Variants in CBLB observed in about 807,000 individuals in gnomAD.
CBLB encodes the protein E3 ubiquitin-protein ligase CBL-B.
CBLB carries 31 observed loss-of-function variants against 104.9 expected under a neutral mutation model. The observed-to-expected ratio is 0.30, with a 90% CI of 0.22 to 0.40. The LOEUF (loss-of-function observed/expected upper bound fraction) is 0.40. CBLB is among the 10% of genes least tolerant of loss of function. The pLI is 1.00. For missense variants in CBLB, 1,062 were observed against 1,214.6 expected, an observed-to-expected ratio of 0.87 and a Z score of 1.87; for synonymous variants, 440 against 422.6, an observed-to-expected ratio of 1.04 and a Z score of -0.51.
intron 3 of CBLB, among the ~76,000 whole-genome samples, chr3:105,850,734 C>T (rs1335496391): frequency 1.3e-5 from 2 of 152,088 alleles, no homozygotes; most frequent in Non-Finnish European, 2.9e-5. Context: ...CAGTCTTTGC[C>T]AGCCCAGTTC....
chr3:105,821,764 T>C (rs554884997), intron 3 of CBLB, among the ~76,000 whole-genome samples: 101 of 152,332 alleles, frequency 6.6e-4, no homozygotes, highest in Admixed American at 1.6e-3. Flanking sequence ...CCTCAACTAA[T>C]GTTTCACCAT....
At chr3:105,680,168 T>C (rs566493541) in intron 16 of CBLB, among the ~76,000 whole-genome samples, 7 of 152,310 alleles carry the variant, frequency 4.6e-5, no homozygotes, top group East Asian at 3.9e-4. Context: ...CAGTGAAGTG[T>C]TGAAGAACAG....
intron 2 of CBLB, among the ~76,000 whole-genome samples, chr3:105,854,146 CA>C (rs1456461461): frequency 6.6e-6 from 1 of 152,074 alleles, no homozygotes. Flanking sequence ...CAAAGAGGTG[CA>C]ATTTGAATAA....
chr3:105,786,066 G>GT (rs11411615), intron 3 of CBLB, among the ~76,000 whole-genome samples: 1 of 145,662 alleles, frequency 6.9e-6, no homozygotes, highest in African/African-American at 2.6e-5. Context: ...AGGATCGGGG[G>GT]GGGGAAAGTG....
intron 5 of CBLB, among the ~76,000 whole-genome samples, chr3:105,748,524 G>C (rs2076315453): frequency 6.6e-6 from 1 of 152,138 alleles, no homozygotes; most frequent in East Asian, 1.9e-4. Flanking sequence ...AGAGGAAAAG[G>C]GGAACAACAG....
intron 3 of CBLB, among the ~76,000 whole-genome samples, chr3:105,848,771 A>C (rs144858595): frequency 6.6e-6 from 1 of 152,214 alleles, no homozygotes; most frequent in Admixed American, 6.5e-5. Context: ...TTTTAGCTCA[A>C]TTATAGTAAT....
intron 18 of CBLB, among the ~76,000 whole-genome samples, chr3:105,662,283 G>A (rs186730266): frequency 2.0e-5 from 3 of 152,290 alleles, no homozygotes; most frequent in Admixed American, 2.0e-4. Context: ...GAATGTGTAG[G>A]GTAGTGGAAG....
At chr3:105,670,126 G>T in intron 18 of CBLB, 107 bp downstream of exon 18, 2 of 987,698 alleles carry the variant, frequency 2.0e-6, no homozygotes, top group East Asian at 2.5e-5. Flanking sequence ...TACTTTCTTG[G>T]GTGGACAACA....
chr3:105,803,447 T>C (rs2083136568), intron 3 of CBLB, among the ~76,000 whole-genome samples: 2 of 152,150 alleles, frequency 1.3e-5, no homozygotes, highest in African/African-American at 4.8e-5. Flanking sequence ...CGTTCAGAGT[T>C]CATTTTCATG....
intron 11 of CBLB, among the ~76,000 whole-genome samples, chr3:105,703,416 C>G (rs914063498): frequency 6.6e-6 from 1 of 152,080 alleles, no homozygotes. Flanking sequence ...AAAATCCACA[C>G]AGTAAAATAA....
At chr3:105,740,719 A>G in intron 6 of CBLB, 88 bp from the exon 7 acceptor site, 1 of 1,171,482 alleles carries the variant, frequency 8.5e-7, no homozygotes, top group East Asian at 2.5e-5. Context: ...AAGCAAAAGA[A>G]TAAACAATCA....
At chr3:105,691,681 T>C (rs1395265752) in intron 13 of CBLB, among the ~76,000 whole-genome samples, 8 of 152,326 alleles carry the variant, frequency 5.3e-5, no homozygotes, top group African/African-American at 1.4e-4. Flanking sequence ...TCATATGTTG[T>C]CACTGATTTA....
intron 16 of CBLB, chr3:105,681,182 TC>T: frequency 2.2e-6 from 1 of 459,662 alleles, no homozygotes; most frequent in Non-Finnish European, 3.8e-6. Context: ...CTTCAAGTCA[TC>T]ACTTCAAAAC....
chr3:105,790,043 GCTATAC>G (rs1265316252), intron 3 of CBLB, among the ~76,000 whole-genome samples: 1 of 152,184 alleles, frequency 6.6e-6, no homozygotes, highest in Non-Finnish European at 1.5e-5. Context: ...TAGATGCACT[GCTATAC>G]CCAAGACTTG....
intron 18 of CBLB, among the ~76,000 whole-genome samples, chr3:105,667,301 C>G (rs976373252): frequency 7.6e-4 from 1 of 1,324 alleles, no homozygotes; most frequent in Non-Finnish European, 7.4e-3. Flanking sequence ...ATTAATACAG[C>G]CTTTTAGTTT....
At chr3:105,800,879 T>C (rs774569273) in intron 3 of CBLB, among the ~76,000 whole-genome samples, 11 of 152,098 alleles carry the variant, frequency 7.2e-5, no homozygotes, top group Non-Finnish European at 1.2e-4. Flanking sequence ...CGAATTTAGA[T>C]AATAAACATG....
chr3:105,665,738 T>C (rs895762132), intron 18 of CBLB, among the ~76,000 whole-genome samples: 1 of 150,384 alleles, frequency 6.6e-6, no homozygotes, highest in East Asian at 1.9e-4. Context: ...AAAATTTATA[T>C]ATCTGTATCT....
chr3:105,688,333 T>C (rs1263866263), intron 13 of CBLB, among the ~76,000 whole-genome samples: 1 of 152,010 alleles, frequency 6.6e-6, no homozygotes, highest in East Asian at 1.9e-4. Context: ...CAAAGATGCA[T>C]AGTCACCACC....
In CBLB at chr3:105,778,793, C is replaced by G. The variant is rs534647417; in HGVS notation, c.420-2251G>C. ...TCTTAATCAGTTGAATCTTTGATAT[C>G]AATATGATTTTGTCATTTATGTTAA... On this transcript the variant is annotated intron_variant, in intron 3 of 18. Coordinates refer to ENST00000394030, the MANE Select transcript of CBLB (RefSeq NM_170662.5). 9.5e-4 allele frequency among the ~76,000 whole-genome samples: 144 copies of G among 152,166 alleles called. 1 individual carries two copies. Among genetic ancestry groups the G allele is most frequent in the African/African-American group, 3.4e-3 (143 of 41,524 alleles).
Sources: allele counts gnomAD v4.1 joint callset (sites outside exome capture counted in the v4.1 genomes callset), GRCh38; gene constraint gnomAD v4.1.1; transcripts MANE v1.5; gene names NCBI Gene and HGNC (gene_info 2026-07-23, HGNC 2026-07-21).